HPSE2: variants seen among roughly 807,000 people sequenced by gnomAD.
The protein encoded by HPSE2 is heparanase 2 (inactive), also known as inactive heparanase-2.
A neutral mutation model predicts 60.5 loss-of-function variants in HPSE2; 38 were observed. The ratio of observed to expected loss-of-function variants is 0.63; its 90% CI spans 0.48 to 0.82. The LOEUF is 0.82. Among genes scored for constraint, HPSE2 ranks in the 40% least tolerant of loss-of-function variants. The pLI is 0.00. For synonymous variants in HPSE2, 295 were observed against 293.2 expected, an observed-to-expected ratio of 1.01 and a Z score of -0.06; for missense variants, 713 against 740.4, an observed-to-expected ratio of 0.96 and a Z score of 0.43.
At chr10:98,625,578 G>T (rs1310202966) in intron 7 of HPSE2, among the ~76,000 whole-genome samples, 1 of 152,192 alleles carries the variant, frequency 6.6e-6, no homozygotes, top group Non-Finnish European at 1.5e-5. Flanking sequence ...GATGTTTGCT[G>T]TAAGTACAAT....
At chr10:98,534,103 A>G (rs1943209450) in intron 9 of HPSE2, among the ~76,000 whole-genome samples, 1 of 152,228 alleles carries the variant, frequency 6.6e-6, no homozygotes, top group Non-Finnish European at 1.5e-5. Context: ...CCAGGACATC[A>G]CAATGAGAAC....
At chr10:99,011,273 C>A (rs2135400274) in intron 3 of HPSE2, among the ~76,000 whole-genome samples, 1 of 151,754 alleles carries the variant, frequency 6.6e-6, no homozygotes, top group South Asian at 2.1e-4. Context: ...ATCTCCTATG[C>A]CTGATCTAGA....
At chr10:98,593,040 T>G (rs1007641305) in intron 9 of HPSE2, among the ~76,000 whole-genome samples, 1 of 152,228 alleles carries the variant, frequency 6.6e-6, no homozygotes, top group Non-Finnish European at 1.5e-5. Context: ...TCATTTCAAT[T>G]TAATCCCAGC....
At chr10:98,660,292 A>T (rs1264214064) in intron 6 of HPSE2, among the ~76,000 whole-genome samples, 1 of 152,080 alleles carries the variant, frequency 6.6e-6, no homozygotes, top group Non-Finnish European at 1.5e-5. Flanking sequence ...AATGCCTGGG[A>T]TTTCTTTTTT....
chr10:98,680,912 C>G (rs922094744), intron 6 of HPSE2, among the ~76,000 whole-genome samples: 2 of 151,958 alleles, frequency 1.3e-5, no homozygotes, highest in East Asian at 3.9e-4. Context: ...CATGCCACCA[C>G]GCCCAGCTAT....
chr10:99,285,162 GT>G, the HPSE2 span, among the ~76,000 whole-genome samples: 1 of 151,906 alleles, frequency 6.6e-6, no homozygotes, highest in Non-Finnish European at 1.5e-5. Context: ...TGAGGTAGTG[GT>G]TCATACCTGT....
the HPSE2 span, among the ~76,000 whole-genome samples, chr10:99,301,093 G>C: frequency 6.6e-6 from 1 of 152,190 alleles, no homozygotes; most frequent in Non-Finnish European, 1.5e-5. Flanking sequence ...TTGGTTCATA[G>C]TGTTAGACTT....
intron 3 of HPSE2, among the ~76,000 whole-genome samples, chr10:98,993,459 A>C (rs899797850): frequency 8.5e-5 from 13 of 152,220 alleles, no homozygotes; most frequent in African/African-American, 3.1e-4. Flanking sequence ...GACTGCCATA[A>C]TAGTATATAG....
intron 3 of HPSE2, among the ~76,000 whole-genome samples, chr10:98,789,867 A>C (rs1385029671): frequency 6.6e-6 from 1 of 152,258 alleles, no homozygotes; most frequent in Non-Finnish European, 1.5e-5. Context: ...GATAAATAGC[A>C]AAGTGAGTTA....
chr10:98,532,376 T>C (rs895860395), intron 9 of HPSE2, among the ~76,000 whole-genome samples: 2 of 152,212 alleles, frequency 1.3e-5, no homozygotes, highest in African/African-American at 2.4e-5. Flanking sequence ...TCATGGACCC[T>C]TGAATCCAGC....
At chr10:98,734,908 CACAA>C (rs774034190) in intron 4 of HPSE2, among the ~76,000 whole-genome samples, 95 of 119,996 alleles carry the variant, frequency 7.9e-4, no homozygotes, top group African/African-American at 2.0e-3. Context: ...CACACACACA[CACAA>C]ACACACACAA....
chr10:98,832,770 G>A, intron 3 of HPSE2, among the ~76,000 whole-genome samples: 1 of 152,174 alleles, frequency 6.6e-6, no homozygotes, highest in Admixed American at 6.5e-5. Flanking sequence ...TAAGAAATGT[G>A]TATATTAGGT....
At chr10:98,607,788 T>C (rs188182563) in intron 9 of HPSE2, among the ~76,000 whole-genome samples, 70 of 152,344 alleles carry the variant, frequency 4.6e-4, no homozygotes, top group Non-Finnish European at 7.6e-4. Flanking sequence ...ATATCAAATG[T>C]ATGTCAACTA....
intron 9 of HPSE2, among the ~76,000 whole-genome samples, chr10:98,588,747 T>C (rs909087467): frequency 6.7e-6 from 1 of 150,286 alleles, no homozygotes; most frequent in African/African-American, 2.5e-5. Context: ...CACCAAGTAA[T>C]CAGGGATGGG....
At chr10:99,130,395 C>A (rs1845335452) in intron 3 of HPSE2, among the ~76,000 whole-genome samples, 1 of 152,096 alleles carries the variant, frequency 6.6e-6, no homozygotes, top group South Asian at 2.1e-4. Context: ...TACTAGCTAA[C>A]CAAATACAAC....
intron 9 of HPSE2, among the ~76,000 whole-genome samples, chr10:98,589,511 T>A (rs1391519769): frequency 2.0e-5 from 3 of 152,182 alleles, no homozygotes; most frequent in African/African-American, 7.2e-5. Flanking sequence ...GAAATCTTCC[T>A]CCTTTTAGTT....
At chr10:99,005,932 G>A (rs929531754) in intron 3 of HPSE2, among the ~76,000 whole-genome samples, 2 of 152,190 alleles carry the variant, frequency 1.3e-5, no homozygotes, top group African/African-American at 4.8e-5. Flanking sequence ...AACTGGGTCA[G>A]CAGGTGGGTG....
At chr10:98,893,728 C>G (rs1953403933) in intron 3 of HPSE2, among the ~76,000 whole-genome samples, 1 of 152,064 alleles carries the variant, frequency 6.6e-6, no homozygotes, top group Non-Finnish European at 1.5e-5. Context: ...AAAGTAAGCA[C>G]TAAAGCCAAA....
At position 99,208,745 on chromosome 10, in the gene HPSE2, A is replaced by G. The variant is rs1193898135; in HGVS notation, c.448+23603T>C. Among the ~76,000 whole-genome samples the G allele has an allele frequency of 2.0e-5, 3 of 152,076 alleles. No individual in the cohort carries two copies. In the East Asian group the frequency reaches 5.8e-4, roughly 29 times the overall value. The stretch of plus-strand genomic sequence containing the variant: ...ACTGAATGGATTTAAAAAAATACTC[A>G]ACTAAATGCTGCCTACAAGAGACTT... On this transcript the variant is annotated intron_variant, in intron 2 of 11. Transcript: ENST00000370552.
Sources: gnomAD v4.1 joint callset for allele counts (sites outside exome capture counted in the v4.1 genomes callset) on GRCh38, gnomAD v4.1.1 for gene constraint, MANE v1.5 for transcripts, NCBI Gene and HGNC (gene_info 2026-07-23, HGNC 2026-07-21) for gene names.